Variants in PRELID2 observed in about 807,000 individuals in gnomAD.
The protein encoded by PRELID2 is PRELI domain-containing protein 2.
Under a neutral mutation model 28.4 loss-of-function variants are expected in PRELID2, and 25 were observed. That is an observed-to-expected ratio of 0.88 (90% CI 0.64 to 1.23). The LOEUF (loss-of-function observed/expected upper bound fraction) is 1.23, where lower values mean the gene tolerates loss of function less well. PRELID2 is among the 50% of genes most tolerant of loss of function. The pLI is 0.00. For missense variants in PRELID2, 201 were observed against 214.4 expected, an observed-to-expected ratio of 0.94 and a Z score of 0.39; for synonymous variants, 76 against 71.6, an observed-to-expected ratio of 1.06 and a Z score of -0.31.
the PRELID2 span, among the ~76,000 whole-genome samples, chr5:145,364,542 G>C: frequency 6.6e-6 from 1 of 151,950 alleles, no homozygotes; most frequent in Non-Finnish European, 1.5e-5. Context: ...TTTTAAAAGA[G>C]TGTCAAATAC....
intron 1 of PRELID2, among the ~76,000 whole-genome samples, chr5:145,620,049 T>C (rs1235920103): frequency 1.3e-5 from 2 of 152,206 alleles, no homozygotes; most frequent in Non-Finnish European, 2.9e-5. Context: ...TATCATTCTC[T>C]GGTAAAACTG....
the PRELID2 span, among the ~76,000 whole-genome samples, chr5:145,276,166 C>T: frequency 6.6e-6 from 1 of 152,100 alleles, no homozygotes; most frequent in South Asian, 2.1e-4. Flanking sequence ...TCTCCAATAA[C>T]CTTTTTGATA....
intron 1 of PRELID2, among the ~76,000 whole-genome samples, chr5:145,681,948 T>C (rs1012167741): frequency 3.9e-5 from 6 of 152,206 alleles, no homozygotes; most frequent in African/African-American, 1.4e-4. Flanking sequence ...CATCACCATG[T>C]CCCAGAAAGA....
chr5:145,323,797 T>C, the PRELID2 span, among the ~76,000 whole-genome samples: 1 of 152,210 alleles, frequency 6.6e-6, no homozygotes. Context: ...CATAATCTTA[T>C]TCTTTTTTAT....
chr5:145,723,800 G>T (rs944365192), intron 1 of PRELID2, among the ~76,000 whole-genome samples: 4 of 152,142 alleles, frequency 2.6e-5, no homozygotes, highest in African/African-American at 9.7e-5. Flanking sequence ...CTAACAAATT[G>T]TATGTGCATT....
rs560564930 is a variant in PRELID2 at position 145,676,363 on chromosome 5, C to A, written n.70+88568G>T. On this transcript the variant is annotated intron_variant and non_coding_transcript_variant, in intron 1 of 2. Transcript: ENST00000510259. ...GACCAGCCTGGCCAACATGGTGAAA[C>A]CCTGTCTCTACTAAAAATACAAAAA... Among the ~76,000 whole-genome samples, 22 of 152,148 alleles carry A rather than the reference C, an allele frequency of 1.4e-4. No individual in the cohort carries two copies. In the South Asian group the frequency reaches 4.1e-3, roughly 29 times the overall value.
chr5:145,690,834 C>T (rs1405560131), intron 1 of PRELID2, among the ~76,000 whole-genome samples: 2 of 152,118 alleles, frequency 1.3e-5, no homozygotes, highest in African/African-American at 2.4e-5. Flanking sequence ...TTTTAGATCA[C>T]AGTGCTAGCA....
chr5:145,660,082 A>AT (rs1754464756), intron 1 of PRELID2, among the ~76,000 whole-genome samples: 1 of 152,168 alleles, frequency 6.6e-6, no homozygotes, highest in South Asian at 2.1e-4. Flanking sequence ...CATGAGGATG[A>AT]TTACTCCATT....
the PRELID2 span, among the ~76,000 whole-genome samples, chr5:145,391,275 G>A: frequency 6.6e-6 from 1 of 152,216 alleles, no homozygotes; most frequent in Non-Finnish European, 1.5e-5. Flanking sequence ...TCTAAATGGA[G>A]GTTCCCAAAC....
chr5:145,375,828 A>C, the PRELID2 span, among the ~76,000 whole-genome samples: 1 of 152,240 alleles, frequency 6.6e-6, no homozygotes, highest in Non-Finnish European at 1.5e-5. Flanking sequence ...CCTTGGCTCC[A>C]GCAGGGGAAA....
At chr5:145,612,842 C>T (rs1181868548) in intron 1 of PRELID2, among the ~76,000 whole-genome samples, 2 of 152,168 alleles carry the variant, frequency 1.3e-5, no homozygotes, top group African/African-American at 4.8e-5. Context: ...ACCACAGTTT[C>T]TTTATCCACT....
chr5:145,382,406 A>G, the PRELID2 span, among the ~76,000 whole-genome samples: 1 of 152,088 alleles, frequency 6.6e-6, no homozygotes, highest in Non-Finnish European at 1.5e-5. Context: ...TTGAGATTCA[A>G]AAATCTCAGC....
At chr5:145,364,643 A>G in the PRELID2 span, among the ~76,000 whole-genome samples, 3 of 152,168 alleles carry the variant, frequency 2.0e-5, no homozygotes, top group Non-Finnish European at 2.9e-5. Flanking sequence ...ACAGAAAGAC[A>G]TTAGATAAGG....
intron 1 of PRELID2, among the ~76,000 whole-genome samples, chr5:145,636,319 G>C (rs1222111119): frequency 6.6e-6 from 1 of 152,166 alleles, no homozygotes; most frequent in African/African-American, 2.4e-5. Flanking sequence ...CTGATATGCT[G>C]CTTCTGACAT....
intron 1 of PRELID2, among the ~76,000 whole-genome samples, chr5:145,717,816 A>T (rs1467621704): frequency 6.6e-6 from 1 of 151,920 alleles, no homozygotes; most frequent in East Asian, 1.9e-4. Flanking sequence ...TAAGATCAAT[A>T]CTATCAACAG....
chr5:145,302,741 C>T, the PRELID2 span, among the ~76,000 whole-genome samples: 1 of 151,990 alleles, frequency 6.6e-6, no homozygotes, highest in Non-Finnish European at 1.5e-5. Flanking sequence ...TAAGTATATA[C>T]AAGTCTTCCA....
At chr5:145,636,792 C>T (rs1387570006) in intron 1 of PRELID2, among the ~76,000 whole-genome samples, 1 of 152,164 alleles carries the variant, frequency 6.6e-6, no homozygotes, top group Non-Finnish European at 1.5e-5. Flanking sequence ...ACTTTGAAGA[C>T]GTGCACTCTT....
intron 1 of PRELID2, among the ~76,000 whole-genome samples, chr5:145,571,370 T>C (rs1462607530): frequency 6.6e-6 from 1 of 152,160 alleles, no homozygotes; most frequent in Non-Finnish European, 1.5e-5. Flanking sequence ...CTGCCTCCCT[T>C]TGGAATTCAG....
chr5:145,284,903 T>G, the PRELID2 span, among the ~76,000 whole-genome samples: 1 of 152,092 alleles, frequency 6.6e-6, no homozygotes, highest in Non-Finnish European at 1.5e-5. Flanking sequence ...AAAGAATGCA[T>G]TCAATATAAT....
Sources: gnomAD v4.1 joint callset for allele counts (sites outside exome capture counted in the v4.1 genomes callset) on GRCh38, gnomAD v4.1.1 for gene constraint, MANE v1.5 for transcripts, NCBI Gene and HGNC (gene_info 2026-07-23, HGNC 2026-07-21) for gene names.